The following PIEZO2 variants were observed in gnomAD, a reference collection of about 807,000 sequenced individuals.
PIEZO2 encodes the protein piezo-type mechanosensitive ion channel component 2.
A neutral mutation model predicts 337.3 loss-of-function variants in PIEZO2; 172 were observed. That is an observed-to-expected ratio of 0.51 (90% CI 0.45 to 0.58). PIEZO2 has a LOEUF of 0.58. Ranked by LOEUF, PIEZO2 falls within the 20% of genes least tolerant of loss-of-function variation. The pLI, the probability that PIEZO2 is intolerant of heterozygous loss-of-function variation, is 0.00. For synonymous variants in PIEZO2, 1,251 were observed against 1,228.5 expected (o/e 1.02, Z -0.38); for missense variants, 3,028 against 3,391.3 (o/e 0.89, Z 2.66).
intron 2 of PIEZO2, among the ~76,000 whole-genome samples, chr18:11,062,305 T>C (rs762148035): frequency 6.0e-4 from 91 of 151,776 alleles, no homozygotes; most frequent in Non-Finnish European, 7.8e-4. Flanking sequence ...CCATAAAAAC[T>C]CTAGAAGAAA....
At chr18:11,054,843 G>A (rs1038433141) in intron 2 of PIEZO2, among the ~76,000 whole-genome samples, 45 of 152,286 alleles carry the variant, frequency 3.0e-4, no homozygotes, top group African/African-American at 1.0e-3. Context: ...CTGGGGTGTG[G>A]GGGACTTGCT....
Position 10,680,183 on chromosome 18 carries a change from G to T in PIEZO2, c.7952+16C>A. On this transcript the variant is annotated intron_variant, in intron 52 of 55. Transcript: ENST00000674853. ...TGGGGAAAGGGATAAATTATACATGGAAATACAGTAACTACCTCTGAATAC... is the reference window on the plus strand; with the variant it reads ...TGGGGAAAGGGATAAATTATACATGTAAATACAGTAACTACCTCTGAATAC... 1 of 1,597,590 alleles carries T rather than the reference G, an allele frequency of 6.3e-7. No homozygotes were observed.
At chr18:10,822,060 A>T (rs1357478661) in intron 7 of PIEZO2, among the ~76,000 whole-genome samples, 1 of 152,226 alleles carries the variant, frequency 6.6e-6, no homozygotes, top group African/African-American at 2.4e-5. Context: ...GTACTAATAC[A>T]TTTGTAAATG....
At chr18:11,108,381 C>T (rs1405063131) in intron 1 of PIEZO2, among the ~76,000 whole-genome samples, 3 of 151,906 alleles carry the variant, frequency 2.0e-5, no homozygotes, top group African/African-American at 4.8e-5. Flanking sequence ...TTTGGGAGGC[C>T]GAGGCGGGCA....
rs932369731 is a variant in PIEZO2, at chr18:10,821,463, T to C, written c.918-14189A>G. On this transcript the variant is annotated intron_variant, in intron 7 of 55. Transcript: ENST00000674853. This position sits in a 1 kb window ranked among gnomAD's most constrained non-coding sequence, Gnocchi z 4.2. ...AGGTATCTACCTACCCACCTAGAAG[T>C]AGAATGTTCTGATTAAAACAATATT... Among the ~76,000 whole-genome samples the C allele has an allele frequency of 1.3e-5, 2 of 152,188 alleles. No individual in the cohort carries two copies. Among genetic ancestry groups the C allele is most frequent in the Non-Finnish European group, 2.9e-5 (2 of 68,030 alleles).
intron 7 of PIEZO2, among the ~76,000 whole-genome samples, chr18:10,825,055 G>C (rs1334991343): frequency 3.3e-5 from 5 of 152,004 alleles, no homozygotes; most frequent in African/African-American, 1.2e-4. Flanking sequence ...ATAGAGATGG[G>C]GTTTCACCAT....
chr18:11,076,253 C>T (rs942794700), intron 1 of PIEZO2, among the ~76,000 whole-genome samples: 1 of 152,124 alleles, frequency 6.6e-6, no homozygotes, highest in Non-Finnish European at 1.5e-5. Context: ...AACACAGAAA[C>T]ATTGTATTCT....
chr18:10,720,324 T>A (rs1364386448), intron 36 of PIEZO2, among the ~76,000 whole-genome samples: 2 of 138,856 alleles, frequency 1.4e-5, no homozygotes, highest in Middle Eastern at 3.6e-3. Context: ...TATATATATA[T>A]ATAATATATA....
rs917086939 is a variant in PIEZO2, at chr18:11,104,531, T to C, written c.65-38309A>G. Among the ~76,000 whole-genome samples the C allele has an allele frequency of 1.3e-5, 2 of 152,208 alleles. No homozygotes were observed. The highest frequency in any genetic ancestry group is 2.9e-5 in the Non-Finnish European group (2 of 68,044). On this transcript the variant is annotated intron_variant, in intron 1 of 55. Transcript: ENST00000674853. This position sits in a 1 kb window ranked among gnomAD's most constrained non-coding sequence, Gnocchi z 4.6. ...TCCTGGGCAGGAGAGAAAGCTGGCC[T>C]GGAGCCATCTGAAGTCTGAAGTCCT...
chr18:10,747,985 A>C (rs2037494418), intron 30 of PIEZO2, among the ~76,000 whole-genome samples: 1 of 150,850 alleles, frequency 6.6e-6, no homozygotes, highest in Non-Finnish European at 1.5e-5. Context: ...ACCTCTCCCC[A>C]GTCTTTTTTC....
chr18:10,990,492 C>A lies in PIEZO2; in HGVS notation c.161-10832G>T, dbSNP rs74502537. Reference sequence around the variant, plus strand: ...ACTGAACATTCTGGGCCTTGGTCTGCCCCCGTCCATGCAGCTTTGGGGTAT... The same window carrying A: ...ACTGAACATTCTGGGCCTTGGTCTGACCCCGTCCATGCAGCTTTGGGGTAT... On this transcript the variant is annotated intron_variant, in intron 2 of 55. Transcript: ENST00000674853. 7.6e-4 allele frequency among the ~76,000 whole-genome samples: 115 copies of A among 152,122 alleles called. 1 individual carries two copies. Among genetic ancestry groups the A allele is most frequent in the African/African-American group, 2.7e-3 (112 of 41,488 alleles).
intron 7 of PIEZO2, among the ~76,000 whole-genome samples, chr18:10,848,407 T>C (rs933684713): frequency 1.3e-5 from 2 of 152,240 alleles, no homozygotes; most frequent in Non-Finnish European, 2.9e-5. Context: ...TTATTTTACA[T>C]TGTTTTAACA....
chr18:10,785,638 C>T (rs905830776), intron 16 of PIEZO2, among the ~76,000 whole-genome samples: 2 of 152,162 alleles, frequency 1.3e-5, no homozygotes, highest in African/African-American at 4.8e-5. Flanking sequence ...AGTCAGACGC[C>T]TCCTGTGTTC....
chr18:11,004,052 T>C (rs28728014), intron 2 of PIEZO2, among the ~76,000 whole-genome samples: 3,542 of 152,204 alleles, frequency 0.023, 153 homozygotes, highest in African/African-American at 0.08. Flanking sequence ...AGGGAGTAAG[T>C]GTGGGCCTGC....
rs919890974 is a variant in PIEZO2, at chr18:10,894,670, C to G, written c.329+16516G>C. The stretch of plus-strand genomic sequence containing the variant: ...AGGGGCGCAAGACTCCGGACGTATG[C>G]CAACGCATAAAACCCCAAGTCAAAA... On this transcript the variant is annotated intron_variant, in intron 4 of 55. Transcript: ENST00000674853. This position sits in a 1 kb window ranked among gnomAD's most constrained non-coding sequence, Gnocchi z 4.1. 3 of 152,236 alleles carry G rather than the reference C, an allele frequency of 2.0e-5. No homozygotes were observed. Among genetic ancestry groups the G allele is most frequent in the Non-Finnish European group, 4.4e-5 (3 of 68,068 alleles). The allele number at this position is 152,236 out of a possible 1,614,324, so 9.4% of individuals were successfully genotyped here.
At chr18:11,141,262 G>A (rs1164041719) in intron 1 of PIEZO2, among the ~76,000 whole-genome samples, 2 of 152,170 alleles carry the variant, frequency 1.3e-5, no homozygotes, top group African/African-American at 4.8e-5. Flanking sequence ...CAAGCCTGTT[G>A]GGCTAATGAC....
At chr18:10,801,552 T>A in intron 9 of PIEZO2, 124 bp from the exon 10 acceptor site, 2 of 810,158 alleles carry the variant, frequency 2.5e-6, no homozygotes, top group Non-Finnish European at 3.9e-6. Flanking sequence ...GCTAGTATAT[T>A]AATATTGCCA....
intron 42 of PIEZO2, among the ~76,000 whole-genome samples, chr18:10,704,023 C>T (rs957581686): frequency 6.6e-6 from 1 of 152,146 alleles, no homozygotes; most frequent in South Asian, 2.1e-4. Context: ...AGCCTGTTAT[C>T]GTCTCAGTGA....
chr18:11,098,641 G>A (rs377351989), intron 1 of PIEZO2, among the ~76,000 whole-genome samples: 1 of 151,120 alleles, frequency 6.6e-6, no homozygotes, highest in Non-Finnish European at 1.5e-5. Flanking sequence ...AGGGCTCCCC[G>A]CCATGAAGGC....
Sources: gnomAD v4.1 joint callset for allele counts (sites outside exome capture counted in the v4.1 genomes callset) on GRCh38, gnomAD v4.1.1 for gene constraint, Gnocchi (gnomAD v3.1) non-coding constraint, MANE v1.5 for transcripts, NCBI Gene and HGNC (gene_info 2026-07-23, HGNC 2026-07-21) for gene names.